The following SPATA18 variants were observed in gnomAD, a reference collection of about 807,000 sequenced individuals.
The protein encoded by SPATA18 is spermatogenesis associated 18.
Under a neutral mutation model 68.1 loss-of-function variants are expected in SPATA18, and 54 were observed. The ratio of observed to expected loss-of-function variants is 0.79; its 90% CI spans 0.64 to 0.99. The LOEUF (loss-of-function observed/expected upper bound fraction) is 0.99. Ranked by LOEUF, SPATA18 falls within the 50% of genes least tolerant of loss-of-function variation. The pLI is 0.00. For missense variants in SPATA18, 724 were observed against 681.1 expected (o/e 1.06, Z -0.70); for synonymous variants, 242 against 244.8 (o/e 0.99, Z 0.11).
At chr4:52,069,774 C>A in intron 4 of SPATA18, 47 bp from the exon 5 acceptor site, 2 of 1,430,414 alleles carry the variant, frequency 1.4e-6, no homozygotes, top group South Asian at 3.0e-5. Context: ...TTTAGAAAGT[C>A]TGCCAATTTT....
chr4:52,053,467 C>G (rs971214141), intron 1 of SPATA18, among the ~76,000 whole-genome samples: 1 of 152,190 alleles, frequency 6.6e-6, no homozygotes. Context: ...ATTCTTCCCC[C>G]TCCACTCCTG....
chr4:52,062,278 A>G lies in SPATA18; in HGVS notation c.368A>G (p.Gln123Arg), dbSNP rs1172301041. 1 of 1,610,834 alleles carries G rather than the reference A, an allele frequency of 6.2e-7. No individual in the cohort carries two copies. Among genetic ancestry groups the G allele is most frequent in the Non-Finnish European group, 8.5e-7 (1 of 1,178,500 alleles). Residue 123 changes from glutamine to arginine, a missense_variant, in exon 4 of 13, where the codon CAG becomes CGG. By Grantham distance (43) the Gln-to-Arg change is conservative (BLOSUM62 1). Coordinates refer to ENST00000295213, the MANE Select transcript of SPATA18 (RefSeq NM_145263.4). ...DPSPRDRDMQ[Q>R]LDSNLNSTRS... Reference sequence around the variant, plus strand: ...AGTCCTCGGGATCGGGATATGCAACAGTTAGACTCTAATTTGAACTCAACC... The same window carrying G: ...AGTCCTCGGGATCGGGATATGCAACGGTTAGACTCTAATTTGAACTCAACC...
chr4:52,056,637 T>C lies in SPATA18; in HGVS notation c.88-3782T>C, dbSNP rs140296647. Among the ~76,000 whole-genome samples, 24 of 152,264 alleles carry C rather than the reference T, an allele frequency of 1.6e-4. No homozygotes were observed. The East Asian group carries it at 4.4e-3, about 28-fold the overall frequency. ...TAAACTCTCTGACCTTCTTAGGTAA[T>C]GCTGAAATCGGTGGGACCTTTACTG... On this transcript the variant is annotated intron_variant, in intron 1 of 12. Coordinates refer to ENST00000295213, the MANE Select transcript of SPATA18 (RefSeq NM_145263.4).
chr4:52,064,322 G>A (rs1187585903), intron 4 of SPATA18, among the ~76,000 whole-genome samples: 3 of 151,904 alleles, frequency 2.0e-5, no homozygotes, highest in African/African-American at 7.3e-5. Context: ...GTGGTATTTG[G>A]TTACATGGAT....
intron 9 of SPATA18, among the ~76,000 whole-genome samples, chr4:52,080,139 G>T (rs183166471): frequency 1.3e-5 from 2 of 152,260 alleles, no homozygotes; most frequent in East Asian, 1.9e-4. Flanking sequence ...AACTAATGAG[G>T]ACTTGGAGCC....
intron 3 of SPATA18, among the ~76,000 whole-genome samples, chr4:52,061,787 C>A (rs1738880862): frequency 6.6e-6 from 1 of 152,078 alleles, no homozygotes; most frequent in African/African-American, 2.4e-5. Context: ...ACTTTATAGA[C>A]TTCAGTTATC....
intron 4 of SPATA18, among the ~76,000 whole-genome samples, chr4:52,065,510 G>C (rs773774261): frequency 4.6e-5 from 7 of 152,136 alleles, no homozygotes; most frequent in Non-Finnish European, 1.0e-4. Flanking sequence ...TCTACATGTG[G>C]TTTGCCAGTT....
intron 1 of SPATA18, among the ~76,000 whole-genome samples, chr4:52,058,239 G>C (rs141540919): frequency 6.6e-6 from 1 of 152,282 alleles, no homozygotes; most frequent in East Asian, 1.9e-4. Flanking sequence ...TAGGATACTA[G>C]TGGCAATAGA....
chr4:52,074,115 A>G (rs1369976913), intron 6 of SPATA18, among the ~76,000 whole-genome samples: 1 of 152,332 alleles, frequency 6.6e-6, no homozygotes, highest in Non-Finnish European at 1.5e-5. Context: ...TCTGGCCACA[A>G]TAAATCCTAG....
At chr4:52,083,130 T>G (rs1466355483) in intron 10 of SPATA18, 1 of 985,384 alleles carries the variant, frequency 1.0e-6, no homozygotes, top group Middle Eastern at 5.2e-4. Flanking sequence ...TGTGAGCATG[T>G]GGGTGTGTAC....
chr4:52,051,906 G>A (rs1737911737), intron 1 of SPATA18, 115 bp downstream of exon 1: 1 of 918,402 alleles, frequency 1.1e-6, no homozygotes, highest in Non-Finnish European at 1.7e-6. Flanking sequence ...CTCCGCGGTT[G>A]CGATTCCTAA....
chr4:52,077,020 A>T lies in SPATA18; in HGVS notation c.1000A>T (p.Ile334Phe). The change falls in exon 7 of 13, where the codon ATC (isoleucine) becomes TTC (phenylalanine). Residue 334 changes from isoleucine (I) to phenylalanine (F), a missense_variant. Ile to Phe is a conservative substitution (Grantham distance 21). Transcript: ENST00000295213. ...CIDKAETVQRIIYIATVEAFH... is the reference protein window; with the variant it reads ...CIDKAETVQRFIYIATVEAFH... ...CGACAAGGCTGAGACCGTTCAGCGG[A>T]TCATCTACATCGCCACAGTGGTATG... 6.2e-7 allele frequency: 1 copy of T among 1,606,570 alleles called. No individual in the cohort carries two copies. The highest frequency in any genetic ancestry group is 1.3e-5 in the African/African-American group (1 of 74,856).
Position 52,072,625 on chromosome 4 carries a change from C to T in SPATA18, c.758+469C>T, listed in dbSNP as rs144285839. ...TTCACCATGTTGGCCAGGCTGGTCT[C>T]GAACTCTTGACCTCAGGTGATCTGC... is the stretch of plus-strand genomic sequence containing the variant. On this transcript the variant is annotated intron_variant, in intron 6 of 12. Transcript: ENST00000295213. Among the ~76,000 whole-genome samples, 107 of 152,238 alleles carry T rather than the reference C, an allele frequency of 7.0e-4. 1 individual carries two copies. In the East Asian group the frequency reaches 0.013, roughly 18 times the overall value.
At position 52,089,607 on chromosome 4, in the gene SPATA18, T is replaced by A. The variant is rs530736252; in HGVS notation, c.1563+4608T>A. 3.3e-5 allele frequency among the ~76,000 whole-genome samples: 5 copies of A among 152,338 alleles called. No individual in the cohort carries two copies. In the South Asian group the frequency reaches 1.0e-3, roughly 32 times the overall value. ...TTTGTGTGCTTTTGAGTGAGTTTCTTAAACCTGAGTTCTAATTTGATTGCT... is the reference window on the plus strand; with the variant it reads ...TTTGTGTGCTTTTGAGTGAGTTTCTAAAACCTGAGTTCTAATTTGATTGCT... On this transcript the variant is annotated intron_variant, in intron 11 of 12. Transcript: ENST00000295213.
At chr4:52,068,074 G>A (rs975116935) in intron 4 of SPATA18, among the ~76,000 whole-genome samples, 5 of 152,094 alleles carry the variant, frequency 3.3e-5, no homozygotes, top group African/African-American at 9.7e-5. Context: ...ATGTGCATCC[G>A]CTTGTATGTG....
intron 1 of SPATA18, among the ~76,000 whole-genome samples, chr4:52,059,828 T>G (rs1328760570): frequency 6.6e-6 from 1 of 152,272 alleles, no homozygotes; most frequent in South Asian, 2.1e-4. Flanking sequence ...ATTGAATTTA[T>G]GTAGAGGACA....
intron 6 of SPATA18, among the ~76,000 whole-genome samples, chr4:52,072,551 C>T (rs1416538354): frequency 2.6e-5 from 4 of 152,068 alleles, no homozygotes; most frequent in Admixed American, 6.6e-5. Context: ...TATAGGCATA[C>T]ACCACCATGC....
Position 52,072,110 on chromosome 4 carries a change from G to A in SPATA18, c.712G>A (p.Glu238Lys). The change falls in exon 6 of 13, where the codon GAG becomes AAG. Residue 238 changes from glutamate to lysine, a missense_variant. Coordinates refer to ENST00000295213, the MANE Select transcript of SPATA18 (RefSeq NM_145263.4). Reference sequence around the variant, plus strand: ...TAAGAAACAGCTCCGAAACCTGAAGGAGGAGATAGCTGTTCTGTCTGCTGA... The same window carrying A: ...TAAGAAACAGCTCCGAAACCTGAAGAAGGAGATAGCTGTTCTGTCTGCTGA... ...DYKKQLRNLK[E>K]EIAVLSAEKS... The A allele has an allele frequency of 6.2e-7, 1 of 1,614,090 alleles. No homozygotes were observed. Among genetic ancestry groups the A allele is most frequent in the African/African-American group, 1.3e-5 (1 of 75,032 alleles).
At chr4:52,079,391 A>G (rs993975566) in intron 8 of SPATA18, among the ~76,000 whole-genome samples, 29 of 152,358 alleles carry the variant, frequency 1.9e-4, no homozygotes, top group African/African-American at 6.5e-4. Flanking sequence ...ACTATTAATA[A>G]TGATTGTTAT....
Sources: gnomAD v4.1 joint callset for allele counts (sites outside exome capture counted in the v4.1 genomes callset) on GRCh38, gnomAD v4.1.1 for gene constraint, MANE v1.5 for transcripts, NCBI Gene and HGNC (gene_info 2026-07-23, HGNC 2026-07-21) for gene names.